Variants in PUM2 observed in about 807,000 individuals in gnomAD.
PUM2 encodes the protein pumilio RNA binding family member 2.
PUM2 carries 57 observed loss-of-function variants against 124.5 expected under a neutral mutation model. That is an observed-to-expected ratio of 0.46 (90% CI 0.37 to 0.57). The LOEUF is 0.57. Ranked by LOEUF, PUM2 falls within the 20% of genes least tolerant of loss-of-function variation. The probability of loss-of-function intolerance (pLI) is 0.00; values close to 1 mark genes in which losing one functional copy is unlikely to be tolerated. For synonymous variants in PUM2, 460 were observed against 446.1 expected (o/e 1.03, Z -0.39); for missense variants, 1,065 against 1,290.6 (o/e 0.83, Z 2.68).
At chr2:20,308,678 T>C in intron 5 of PUM2, 94 bp from the exon 6 acceptor site, 1 of 1,260,710 alleles carries the variant, frequency 7.9e-7, no homozygotes, top group Non-Finnish European at 1.1e-6. Flanking sequence ...CAAATGGTCA[T>C]AAAACACAAT....
chr2:20,299,318 C>A (rs1426517348), intron 7 of PUM2, among the ~76,000 whole-genome samples: 1 of 151,998 alleles, frequency 6.6e-6, no homozygotes, highest in East Asian at 1.9e-4. Flanking sequence ...AAACCGCCCA[C>A]ACATTTGGTC....
chr2:20,340,979 GAC>G (rs1198399733), intron 1 of PUM2, among the ~76,000 whole-genome samples: 1 of 152,168 alleles, frequency 6.6e-6, no homozygotes, highest in South Asian at 2.1e-4. Context: ...GAGTATTAAT[GAC>G]ACATCAAACT....
intron 16 of PUM2, among the ~76,000 whole-genome samples, chr2:20,257,043 CAAAAAAAAAAAAAAAAAAA>C (rs58072146): frequency 1.4e-5 from 1 of 71,810 alleles, no homozygotes; most frequent in Non-Finnish European, 2.5e-5. Flanking sequence ...GATTCCGTCT[CAAAAAAAAAAAAAAAAAAA>C]AAAAAAAAAA....
chr2:20,318,764 G>A, intron 2 of PUM2, 119 bp from the exon 3 acceptor site: 1 of 606,800 alleles, frequency 1.6e-6, no homozygotes, highest in Non-Finnish European at 2.7e-6. Flanking sequence ...TGAAAATTCA[G>A]AGTGACCTAT....
At chr2:20,343,126 G>C (rs62124600) in intron 1 of PUM2, among the ~76,000 whole-genome samples, 5,300 of 137,538 alleles carry the variant, frequency 0.039, 93 homozygotes, top group Middle Eastern at 0.071. Context: ...TTTTAAAAGA[G>C]TCTGTGTTTA....
In PUM2 at chr2:20,343,500, A is replaced by T. The variant is rs545065474; in HGVS notation, c.-19+7097T>A. ...TAAACTAGTAAGTTTAAAGCTAACC[A>T]GTTGTGCTAGTAATTGTACAAACAG... On this transcript the variant is annotated intron_variant, in intron 1 of 20. Transcript: ENST00000361078. Among the ~76,000 whole-genome samples the T allele has an allele frequency of 2.6e-5, 4 of 152,312 alleles. No homozygotes were observed. The East Asian group carries it at 7.7e-4, about 29-fold the overall frequency.
At chr2:20,340,217 A>C (rs1573013915) in intron 1 of PUM2, among the ~76,000 whole-genome samples, 1 of 152,380 alleles carries the variant, frequency 6.6e-6, no homozygotes, top group East Asian at 1.9e-4. Flanking sequence ...ATATGAATAC[A>C]GAAAATACCA....
At chr2:20,341,047 G>T (rs1687125741) in intron 1 of PUM2, among the ~76,000 whole-genome samples, 1 of 152,214 alleles carries the variant, frequency 6.6e-6, no homozygotes, top group South Asian at 2.1e-4. Flanking sequence ...ACTGGGCACA[G>T]TGGCTCATGC....
At position 20,311,644 on chromosome 2, in the gene PUM2, G is replaced by T. The variant is rs1191617424; in HGVS notation, c.368C>A (p.Thr123Lys). Residue 123 changes from threonine to lysine, a missense_variant, in exon 5 of 21, where the codon ACA becomes AAA. Around this residue, in one of 3 missense-constraint regions of PUM2, gnomAD observed 968 missense variants for 1,159.8 expected, o/e 0.83. Transcript: ENST00000361078. The part of the protein sequence containing the change: ...KGNFGTRDAE[T>K]DGPEKGDQKG... Reference sequence around the variant, plus strand: ...TTGATCTCCTTTCTCAGGTCCATCTGTTTCAGCATCTCTAGTGCCCTGAGG... The same window carrying T: ...TTGATCTCCTTTCTCAGGTCCATCTTTTTCAGCATCTCTAGTGCCCTGAGG... The T allele has an allele frequency of 6.2e-7, 1 of 1,612,712 alleles. No individual in the cohort carries two copies. The highest frequency in any genetic ancestry group is 8.5e-7 in the Non-Finnish European group (1 of 1,179,498).
chr2:20,250,707 A>G lies in PUM2; in HGVS notation c.*878T>C, dbSNP rs1444518141. 1 of 152,232 alleles carries G rather than the reference A, an allele frequency of 6.6e-6. No homozygotes were observed. Among genetic ancestry groups the G allele is most frequent in the Non-Finnish European group, 1.5e-5 (1 of 67,986 alleles). 9.4% of individuals were successfully genotyped at this position (152,232 alleles called of 1,614,324 possible). ...CTTTCTGCCTCTATGAAAAAGCAAA[A>G]TAAAGCTCAACACTTCCTCAACATG... is the stretch of plus-strand genomic sequence containing the variant. On this transcript the variant is annotated 3_prime_UTR_variant, in exon 21 of 21. Transcript: ENST00000361078.
In PUM2 at chr2:20,261,191, G is replaced by C. The variant is rs537013978; in HGVS notation, c.2226-725C>G. On this transcript the variant is annotated intron_variant, in intron 14 of 20. Transcript: ENST00000361078. ...GGATCACCTGAGGTCAGGAGTTCGA[G>C]ACCAGCCTGGCCAACATGGTGAAAC... Among the ~76,000 whole-genome samples the C allele has an allele frequency of 2.6e-5, 4 of 152,004 alleles. No homozygotes were observed. The South Asian group carries it at 8.3e-4, about 32-fold the overall frequency.
At chr2:20,323,406 C>T (rs1682852933) in intron 2 of PUM2, among the ~76,000 whole-genome samples, 1 of 150,184 alleles carries the variant, frequency 6.7e-6, no homozygotes, top group Non-Finnish European at 1.5e-5. Context: ...CAAGATTGCG[C>T]CACTGCACTC....
At chr2:20,292,046 T>C (rs1674236843) in intron 9 of PUM2, among the ~76,000 whole-genome samples, 1 of 150,298 alleles carries the variant, frequency 6.7e-6, no homozygotes, top group South Asian at 2.2e-4. Context: ...GTACATCTGG[T>C]ATGCAGTCTT....
rs776830569 is a variant in PUM2, at chr2:20,278,570, G to T, written c.1957+13C>A. ...ATACATACAAATAAAAAGGGTTTTG[G>T]TTTTTTTTTTACCTAAATGCAAACT... On this transcript the variant is annotated intron_variant, in intron 13 of 20. Coordinates refer to ENST00000361078, the MANE Select transcript of PUM2 (RefSeq NM_015317.5). The T allele has an allele frequency of 6.1e-5, 82 of 1,352,850 alleles. No homozygotes were observed. Among genetic ancestry groups the T allele is most frequent in the South Asian group, 3.1e-4 (23 of 74,204 alleles). 83.8% of individuals were successfully genotyped at this position (1,352,850 alleles called of 1,614,324 possible). A position where few individuals can be genotyped will look rare whatever the true frequency, so the allele number is the denominator to read the frequency against.
Position 20,270,551 on chromosome 2 carries a change from A to AAC in PUM2, c.1958-7093_1958-7092dup, listed in dbSNP as rs542665864. On this transcript the variant is annotated intron_variant, in intron 13 of 20. Coordinates refer to ENST00000361078, the MANE Select transcript of PUM2 (RefSeq NM_015317.5). ...GAACTGGGAAGGTAAAAAACAAATA[A>AAC]ACACACACACACACAAAACAAAAAC... Among the ~76,000 whole-genome samples, 1,115 of 151,548 alleles carry AAC rather than the reference A, an allele frequency of 7.4e-3. 9 individuals carry two copies. Among genetic ancestry groups the AAC allele is most frequent in the African/African-American group, 0.026 (1,065 of 41,366 alleles).
At chr2:20,350,348 C>G (rs1689083354) in intron 1 of PUM2, 4 of 583,150 alleles carry the variant, frequency 6.9e-6, no homozygotes, top group South Asian at 7.5e-5. Context: ...GCGGCGGCCC[C>G]GCAGAGGGAA....
chr2:20,319,933 T>C (rs891614923), intron 2 of PUM2, among the ~76,000 whole-genome samples: 1 of 152,152 alleles, frequency 6.6e-6, no homozygotes, highest in African/African-American at 2.4e-5. Context: ...GAGATGAATT[T>C]TGGCAATTTA....
At position 20,312,569 on chromosome 2, in the gene PUM2, G is replaced by A. The variant is rs187702765; in HGVS notation, c.161-146C>T. 202 of 749,436 alleles carry A rather than the reference G, an allele frequency of 2.7e-4. 1 individual carries two copies. Among genetic ancestry groups the A allele is most frequent in the Admixed American group, 2.3e-3 (75 of 32,052 alleles). The allele number at this position is 749,436 out of a possible 1,614,324, so 46.4% of individuals were successfully genotyped here. ...TAATCTTTATATAAAGCTCTTCATAGGACACAAACAAATGGAAGAACATTC... is the reference window on the plus strand; with the variant it reads ...TAATCTTTATATAAAGCTCTTCATAAGACACAAACAAATGGAAGAACATTC... On this transcript the variant is annotated intron_variant, in intron 3 of 20. Coordinates refer to ENST00000361078, the MANE Select transcript of PUM2 (RefSeq NM_015317.5).
At chr2:20,342,642 G>A (rs775545586) in intron 1 of PUM2, among the ~76,000 whole-genome samples, 4 of 152,004 alleles carry the variant, frequency 2.6e-5, no homozygotes, top group Non-Finnish European at 5.9e-5. Context: ...CCTAACTTAC[G>A]GTTAAAAGCT....
Sources: gnomAD v4.1 joint callset for allele counts (sites outside exome capture counted in the v4.1 genomes callset) on GRCh38, gnomAD v4.1.1 for gene constraint, gnomAD v4.1.1 regional missense constraint, MANE v1.5 for transcripts, NCBI Gene and HGNC (gene_info 2026-07-23, HGNC 2026-07-21) for gene names.